Variants in FADS2 observed in about 807,000 individuals in gnomAD.
The protein encoded by FADS2 is acyl-CoA 6-desaturase.
In FADS2, 18 loss-of-function variants were observed where a neutral mutation model predicts 61.2. The observed-to-expected ratio is 0.29, with a 90% CI of 0.20 to 0.44. The LOEUF (loss-of-function observed/expected upper bound fraction) is 0.44, where lower values mean the gene tolerates loss of function less well. FADS2 is among the 20% of genes least tolerant of loss of function. The pLI is 1.00. For missense variants in FADS2, 322 were observed against 572.7 expected (o/e 0.56, Z 4.47); for synonymous variants, 203 against 223.9 (o/e 0.91, Z 0.83).
intron 4 of FADS2, chr11:61,847,831 A>T (rs560244277): frequency 8.9e-6 from 3 of 338,724 alleles, no homozygotes; most frequent in African/African-American, 6.3e-5. Context: ...CTCTGGTTCC[A>T]CACCTGGTGA....
At position 61,863,374 on chromosome 11, in the gene FADS2, G is replaced by C; in HGVS notation, c.1073G>C (p.Ser358Thr). ...GAGGCCTACCGTGACTGGTTCAGTA[G>C]CCAGGTAGGGAAGTCAGGGCCGGTC... is the stretch of plus-strand genomic sequence containing the variant. ...DQEAYRDWFS[S>T]QLTATCNVEQ... is the part of the protein sequence containing the mutation. The change falls in exon 9 of 12, where the codon AGC becomes ACC. Residue 358 changes from serine (S) to threonine (T), a missense_variant. Around this residue, in one of 3 missense-constraint regions of FADS2, gnomAD observed 221 missense variants for 427.9 expected, o/e 0.52. Coordinates refer to ENST00000278840, the MANE Select transcript of FADS2 (RefSeq NM_004265.4). 6.2e-7 allele frequency: 1 copy of C among 1,611,034 alleles called. No homozygotes were observed. Among genetic ancestry groups the C allele is most frequent in the South Asian group, 1.1e-5 (1 of 91,018 alleles).
chr11:61,857,741 G>A (rs924840317), intron 7 of FADS2, among the ~76,000 whole-genome samples: 2 of 152,152 alleles, frequency 1.3e-5, no homozygotes, highest in Non-Finnish European at 2.9e-5. Flanking sequence ...CAGACATAGG[G>A]AGTCCACTGG....
chr11:61,843,233 C>G (rs1448292746), intron 4 of FADS2, among the ~76,000 whole-genome samples: 1 of 152,170 alleles, frequency 6.6e-6, no homozygotes, highest in East Asian at 1.9e-4. Context: ...AGTTTGAGAC[C>G]AGCCTGGGCC....
Position 61,865,049 on chromosome 11 carries a change from G to C in FADS2, c.1158-103G>C. 1 of 1,385,538 alleles carries C rather than the reference G, an allele frequency of 7.2e-7. No homozygotes were observed. Among genetic ancestry groups the C allele is most frequent in the South Asian group, 1.3e-5 (1 of 76,874 alleles). 85.8% of individuals were successfully genotyped at this position (1,385,538 alleles called of 1,614,324 possible). ...GAGACTGGTCCTGGCTGTGGACAGG[G>C]TCTCTGAGGGCCCCAGCCAGCCTCT... On this transcript the variant is annotated intron_variant, in intron 10 of 11. Transcript: ENST00000278840. This position sits in a 1 kb window ranked among gnomAD's most constrained non-coding sequence, Gnocchi z 4.1.
chr11:61,840,777 G>T, intron 4 of FADS2, 52 bp downstream of exon 4: 1 of 1,356,694 alleles, frequency 7.4e-7, no homozygotes, highest in East Asian at 2.3e-5. Context: ...AGTTGAGACA[G>T]AGGGACCAGG....
chr11:61,846,593 C>T (rs2067262336), intron 4 of FADS2: 1 of 152,086 alleles, frequency 6.6e-6, no homozygotes, highest in Non-Finnish European at 1.5e-5. Flanking sequence ...AGCAAATAGG[C>T]ATTTTTTGCA....
At chr11:61,831,031 C>T (rs574768286) in intron 1 of FADS2, among the ~76,000 whole-genome samples, 12 of 152,268 alleles carry the variant, frequency 7.9e-5, no homozygotes, top group East Asian at 1.9e-4. Flanking sequence ...ATGAAATACA[C>T]GAACTGGGGA....
intron 5 of FADS2, chr11:61,849,827 C>T (rs1321620059): frequency 6.6e-6 from 1 of 151,936 alleles, no homozygotes; most frequent in Non-Finnish European, 1.5e-5. Context: ...CCCAGGAGTT[C>T]AAGACCAGCC....
chr11:61,855,488 C>G (rs1210803812), intron 5 of FADS2: 1 of 152,274 alleles, frequency 6.6e-6, no homozygotes, highest in Non-Finnish European at 1.5e-5. Flanking sequence ...TGGCTCGGAC[C>G]TCTCCATGGC....
chr11:61,835,433 C>T (rs1344827428), intron 1 of FADS2, among the ~76,000 whole-genome samples: 3 of 147,616 alleles, frequency 2.0e-5, no homozygotes, highest in Admixed American at 6.9e-5. Context: ...CTCGCTCTGT[C>T]GCCAGGCTGG....
chr11:61,836,294 C>T (rs1399301165), intron 1 of FADS2, among the ~76,000 whole-genome samples: 1 of 152,182 alleles, frequency 6.6e-6, no homozygotes, highest in East Asian at 1.9e-4. Flanking sequence ...GGTGGGATTT[C>T]ACCATGTTGC....
At chr11:61,862,706 G>T (rs2067428234) in intron 7 of FADS2, 1 of 471,712 alleles carries the variant, frequency 2.1e-6, no homozygotes, top group Admixed American at 3.5e-5. Flanking sequence ...CCCCATGGCT[G>T]CCCCTCAGCA....
intron 4 of FADS2, chr11:61,847,197 G>T (rs965123236): frequency 6.6e-6 from 1 of 152,090 alleles, no homozygotes; most frequent in Non-Finnish European, 1.5e-5. Flanking sequence ...GTCTCCCAAA[G>T]TGCTGGAATT....
chr11:61,835,522 T>C (rs539946547), intron 1 of FADS2, among the ~76,000 whole-genome samples: 66 of 151,606 alleles, frequency 4.4e-4, no homozygotes, highest in African/African-American at 1.6e-3. Flanking sequence ...ACCTCCCAAG[T>C]AGCTGGGATT....
At chr11:61,839,260 G>A (rs1333963879) in intron 2 of FADS2, among the ~76,000 whole-genome samples, 1 of 151,952 alleles carries the variant, frequency 6.6e-6, no homozygotes, top group Non-Finnish European at 1.5e-5. Context: ...AACAGTGTGC[G>A]CAGAGCAAGT....
At chr11:61,845,434 C>T (rs576940038) in intron 4 of FADS2, among the ~76,000 whole-genome samples, 2 of 152,296 alleles carry the variant, frequency 1.3e-5, no homozygotes, top group African/African-American at 4.8e-5. Context: ...CTGGGCAAGG[C>T]GGGCTTCCCG....
chr11:61,820,675 G>A (rs890526425), intron 1 of FADS2, among the ~76,000 whole-genome samples: 1 of 152,046 alleles, frequency 6.6e-6, no homozygotes, highest in Admixed American at 6.6e-5. Context: ...TGAGGAGGGC[G>A]GATCACCTGA....
chr11:61,851,560 C>T lies in FADS2; in HGVS notation c.744+3276C>T, dbSNP rs372990528. Among the ~76,000 whole-genome samples the T allele has an allele frequency of 4.7e-4, 72 of 152,360 alleles. No individual in the cohort carries two copies. In the South Asian group the frequency reaches 0.013, roughly 28 times the overall value. ...TGCTCTGGCTCTCGCAGGACCCGGC[C>T]GCCCTGGAAGGAACCCTGGTCTCTT... On this transcript the variant is annotated intron_variant, in intron 5 of 11. Coordinates refer to ENST00000278840, the MANE Select transcript of FADS2 (RefSeq NM_004265.4).
At chr11:61,852,410 G>A (rs1443614364) in intron 5 of FADS2, among the ~76,000 whole-genome samples, 3 of 152,002 alleles carry the variant, frequency 2.0e-5, no homozygotes, top group African/African-American at 4.8e-5. Flanking sequence ...ACAGGCACCC[G>A]CCACCATGCC....
Sources: allele counts gnomAD v4.1 joint callset (sites outside exome capture counted in the v4.1 genomes callset), GRCh38; gene constraint gnomAD v4.1.1; regional missense constraint gnomAD v4.1.1; non-coding constraint Gnocchi (gnomAD v3.1); transcripts MANE v1.5; gene names NCBI Gene and HGNC (gene_info 2026-07-23, HGNC 2026-07-21).